AUH: variants seen among roughly 807,000 people sequenced by gnomAD.
AUH encodes AU RNA binding methylglutaconyl-CoA hydratase.
AUH carries 29 observed loss-of-function variants against 42.3 expected under a neutral mutation model. The ratio of observed to expected loss-of-function variants is 0.69; its 90% confidence interval spans 0.51 to 0.93. The LOEUF (loss-of-function observed/expected upper bound fraction) is 0.93, where lower values mean the gene tolerates loss of function less well. Ranked by LOEUF, AUH falls within the 40% of genes least tolerant of loss-of-function variation. AUH has a pLI of 0.00. For synonymous variants in AUH, 174 were observed against 166.4 expected, an observed-to-expected ratio of 1.05 and a Z score of -0.35; for missense variants, 452 against 438.1, an observed-to-expected ratio of 1.03 and a Z score of -0.28.
intron 6 of AUH, among the ~76,000 whole-genome samples, chr9:91,246,703 G>T (rs1289175079): frequency 3.9e-5 from 6 of 152,214 alleles, no homozygotes; most frequent in Admixed American, 3.9e-4. Context: ...TTTAAAGGTG[G>T]TATATGCACA....
At chr9:91,217,398 T>A (rs1826886026) in intron 7 of AUH, 71 bp from the exon 8 acceptor site, 2 of 1,504,782 alleles carry the variant, frequency 1.3e-6, no homozygotes, top group East Asian at 4.5e-5. Flanking sequence ...CTCAGTAAAA[T>A]TCAGAATTCC....
At chr9:91,331,045 C>T (rs377061284) in intron 3 of AUH, among the ~76,000 whole-genome samples, 11 of 152,058 alleles carry the variant, frequency 7.2e-5, no homozygotes, top group East Asian at 3.9e-4. Flanking sequence ...TTTTAAGTTT[C>T]CTGATTCCAT....
chr9:91,352,723 G>A (rs982313117), intron 3 of AUH, among the ~76,000 whole-genome samples: 2 of 152,222 alleles, frequency 1.3e-5, no homozygotes, highest in Non-Finnish European at 1.5e-5. Flanking sequence ...AGTGGTATGA[G>A]ACAATTCAGA....
intron 8 of AUH, among the ~76,000 whole-genome samples, chr9:91,216,694 A>G (rs566534470): frequency 6.6e-5 from 10 of 152,302 alleles, no homozygotes; most frequent in South Asian, 6.2e-4. Context: ...CAAAATACCC[A>G]TAAGTTACCC....
At position 91,327,989 on chromosome 9, in the gene AUH, G is replaced by A. The variant is rs10481714; in HGVS notation, c.419-2585C>T. 6.2e-3 allele frequency among the ~76,000 whole-genome samples: 937 copies of A among 152,280 alleles called. 9 individuals are homozygous for A. The highest frequency in any genetic ancestry group is 0.021 in the African/African-American group (891 of 41,558). On this transcript the variant is annotated intron_variant, in intron 3 of 9. Transcript: ENST00000375731. ...GCAGGCACGGGATTCAAGTGGGCGC[G>A]AACCAAGCACAACCTGCCAGGCCAA... is the stretch of plus-strand genomic sequence containing the variant.
At chr9:91,241,783 T>TA (rs200780504) in intron 6 of AUH, among the ~76,000 whole-genome samples, 90 of 151,826 alleles carry the variant, frequency 5.9e-4, no homozygotes, top group African/African-American at 1.6e-3. Flanking sequence ...TTTTATACTT[T>TA]AAAAAAAAAT....
rs146228600 is a variant in AUH at position 91,256,363 on chromosome 9, C to T, written c.656-35371G>A. On this transcript the variant is annotated intron_variant, in intron 6 of 9. Coordinates refer to ENST00000375731, the MANE Select transcript of AUH (RefSeq NM_001698.3). The stretch of plus-strand genomic sequence containing the variant: ...CTGAGATCCAACCTGAGGGCAAAGA[C>T]TATCGAGAACCCCAGATTCTAAAGA... 1.5e-4 allele frequency among the ~76,000 whole-genome samples: 23 copies of T among 152,224 alleles called. 2 individuals carry two copies. Among genetic ancestry groups the T allele is most frequent in the African/African-American group, 5.5e-4 (23 of 41,476 alleles).
At position 91,254,598 on chromosome 9, in the gene AUH, T is replaced by C. The variant is rs531807585; in HGVS notation, c.656-33606A>G. 8.5e-5 allele frequency among the ~76,000 whole-genome samples: 13 copies of C among 152,296 alleles called. No homozygotes were observed. In the South Asian group the frequency reaches 2.7e-3, roughly 32 times the overall value. ...ACAGAAGACTAAATTAAAAGTGTGA[T>C]AGTAGAAACAAAAACGAATTCTAAA... On this transcript the variant is annotated intron_variant, in intron 6 of 9. Coordinates refer to ENST00000375731, the MANE Select transcript of AUH (RefSeq NM_001698.3).
intron 6 of AUH, among the ~76,000 whole-genome samples, chr9:91,248,514 G>A (rs375550358): frequency 2.6e-4 from 40 of 152,310 alleles, no homozygotes; most frequent in South Asian, 6.2e-4. Flanking sequence ...TGTGGGAAGC[G>A]GGAGTGCCCC....
chr9:91,326,681 G>A (rs1354557038), intron 3 of AUH, among the ~76,000 whole-genome samples: 1 of 152,106 alleles, frequency 6.6e-6, no homozygotes, highest in Admixed American at 6.5e-5. Flanking sequence ...TGGTTATGGG[G>A]GCTGGAGTAT....
chr9:91,309,539 CT>C (rs558729491), intron 4 of AUH, among the ~76,000 whole-genome samples: 176 of 152,244 alleles, frequency 1.2e-3, no homozygotes, highest in Non-Finnish European at 2.4e-3. Flanking sequence ...GGTCATTATC[CT>C]TAGTGAAATA....
rs542841022 is a variant in AUH, at chr9:91,241,256, G to T, written c.656-20264C>A. On this transcript the variant is annotated intron_variant, in intron 6 of 9. Coordinates refer to ENST00000375731, the MANE Select transcript of AUH (RefSeq NM_001698.3). ...CTTCTGTAGCAGCATACATGTATCA[G>T]ATCAATTACTAGGGCTGCAGTAAGA... Among the ~76,000 whole-genome samples, 41 of 152,246 alleles carry T rather than the reference G, an allele frequency of 2.7e-4. 1 individual carries two copies. In the South Asian group the frequency reaches 8.1e-3, roughly 30 times the overall value.
chr9:91,288,251 A>T (rs1031795197), intron 6 of AUH, among the ~76,000 whole-genome samples: 13 of 152,186 alleles, frequency 8.5e-5, no homozygotes, highest in African/African-American at 3.1e-4. Flanking sequence ...TTTCTCTGTA[A>T]ATTTAAAGAG....
Position 91,214,349 on chromosome 9 carries a change from T to C in AUH, c.1019A>G (p.Ter340=), listed in dbSNP as rs1162972263. The change falls in exon 10 of 10, where the codon TAA becomes TGA. Residue 340 remains the stop codon, a stop_retained_variant. Coordinates refer to ENST00000375731, the MANE Select transcript of AUH (RefSeq NM_001698.3). ...EKRPPRYKGE[*] ...GCATCTTAAGAATTTCTGTTCCTTT[T>C]ATTCTCCTTTATAGCGAGGGGGCCT... 6.2e-7 allele frequency: 1 copy of C among 1,605,356 alleles called. No individual in the cohort carries two copies. The highest frequency in any genetic ancestry group is 1.1e-5 in the South Asian group (1 of 90,266).
Position 91,325,068 on chromosome 9 carries a change from G to A in AUH, c.505+250C>T, listed in dbSNP as rs74464808. Reference sequence around the variant, plus strand: ...TAGATATTGTAAGTCAAAGGCTTATGGCAAATTATTATTGTTGTCTAATAA... The same window carrying A: ...TAGATATTGTAAGTCAAAGGCTTATAGCAAATTATTATTGTTGTCTAATAA... On this transcript the variant is annotated intron_variant, in intron 4 of 9. Transcript: ENST00000375731. Among the ~76,000 whole-genome samples the A allele has an allele frequency of 6.4e-4, 98 of 152,048 alleles. No homozygotes were observed. In the East Asian group the frequency reaches 0.016, roughly 25 times the overall value.
At chr9:91,257,677 T>A (rs1829479848) in intron 6 of AUH, among the ~76,000 whole-genome samples, 1 of 152,238 alleles carries the variant, frequency 6.6e-6, no homozygotes, top group South Asian at 2.1e-4. Context: ...ACTAGTATCC[T>A]GGTGTCTTGA....
intron 6 of AUH, among the ~76,000 whole-genome samples, chr9:91,282,778 T>G (rs1177316476): frequency 1.3e-5 from 2 of 152,152 alleles, no homozygotes; most frequent in African/African-American, 4.8e-5. Context: ...GCTGAATCCC[T>G]GAATAGACCA....
chr9:91,221,018 G>T (rs1228878750), intron 6 of AUH, 26 bp from the exon 7 acceptor site: 5 of 1,611,940 alleles, frequency 3.1e-6, no homozygotes, highest in Non-Finnish European at 4.2e-6. Context: ...GAGAGAAAAG[G>T]CAATGATTTG....
chr9:91,221,349 G>A (rs1827124302), intron 6 of AUH, among the ~76,000 whole-genome samples: 1 of 152,188 alleles, frequency 6.6e-6, no homozygotes, highest in African/African-American at 2.4e-5. Context: ...TGACTAGAAA[G>A]GCAGAGTTCC....
Sources: gnomAD v4.1 joint callset for allele counts (sites outside exome capture counted in the v4.1 genomes callset) on GRCh38, gnomAD v4.1.1 for gene constraint, MANE v1.5 for transcripts, NCBI Gene and HGNC (gene_info 2026-07-23, HGNC 2026-07-21) for gene names.